Variants in SF3A3 observed in about 807,000 individuals in gnomAD.
SF3A3 encodes splicing factor 3a subunit 3.
Under a neutral mutation model 85.8 loss-of-function variants are expected in SF3A3, and 9 were observed. That is an observed-to-expected ratio of 0.10 (90% CI 0.06 to 0.18). SF3A3 has a LOEUF of 0.18. Ranked by LOEUF, SF3A3 falls within the 10% of genes least tolerant of loss-of-function variation. The pLI is 1.00. For missense variants in SF3A3, 306 were observed against 593.3 expected (o/e 0.52, Z 5.03); for synonymous variants, 195 against 204.4 (o/e 0.95, Z 0.39).
chr1:37,976,328 C>T (rs1351585045), intron 12 of SF3A3, among the ~76,000 whole-genome samples: 5 of 152,116 alleles, frequency 3.3e-5, no homozygotes, highest in Non-Finnish European at 7.3e-5. Context: ...CTCTCTGAGA[C>T]AAGCATACTG....
At chr1:37,959,142 G>A (rs921290139) in intron 16 of SF3A3, among the ~76,000 whole-genome samples, 2 of 148,332 alleles carry the variant, frequency 1.3e-5, no homozygotes, top group African/African-American at 2.5e-5. Context: ...GCAATGGTGC[G>A]ATCACAGCTC....
chr1:37,964,987 C>T lies in SF3A3; in HGVS notation c.1372+3057G>A, dbSNP rs371556735. On this transcript the variant is annotated intron_variant, in intron 15 of 16. Transcript: ENST00000373019. Reference sequence around the variant, plus strand: ...CAGCCTGGCCAACATGGTGAAACCCCGTCTCTACTAAAAATACAAAAATTG... The same window carrying T: ...CAGCCTGGCCAACATGGTGAAACCCTGTCTCTACTAAAAATACAAAAATTG... Among the ~76,000 whole-genome samples the T allele has an allele frequency of 4.5e-4, 68 of 152,020 alleles. No homozygotes were observed. In the Middle Eastern group the frequency reaches 0.017, roughly 38 times the overall value.
chr1:37,985,704 G>A (rs377620882), intron 4 of SF3A3, among the ~76,000 whole-genome samples: 9 of 152,240 alleles, frequency 5.9e-5, no homozygotes, highest in African/African-American at 2.2e-4. Flanking sequence ...CTGGAATAAG[G>A]TTAACACATC....
At position 37,981,535 on chromosome 1, in the gene SF3A3, G is replaced by A. The variant is rs1007621350; in HGVS notation, c.551+194C>T. Among the ~76,000 whole-genome samples the A allele has an allele frequency of 7.2e-5, 11 of 152,182 alleles. 1 individual carries two copies. The highest frequency in any genetic ancestry group is 1.3e-4 in the Non-Finnish European group (9 of 68,040). On this transcript the variant is annotated intron_variant, in intron 7 of 16. Transcript: ENST00000373019. ...GCATAAGATGGAAGATGTGCCCACA[G>A]ACACACCTTTGTCCACGTCCAGACT...
intron 8 of SF3A3, 123 bp from the exon 9 acceptor site, chr1:37,979,656 G>T: frequency 1.7e-6 from 1 of 599,298 alleles, no homozygotes; most frequent in South Asian, 2.4e-5. Context: ...AGGAGTTAGA[G>T]ACCAGGCAGG....
At position 37,987,885 on chromosome 1, in the gene SF3A3, T is replaced by C. The variant is rs762831844; in HGVS notation, c.145-49A>G. 9 of 1,478,444 alleles carry C rather than the reference T, an allele frequency of 6.1e-6. No homozygotes were observed. The East Asian group carries it at 9.0e-5, about 15-fold the overall frequency. 91.6% of individuals were successfully genotyped at this position (1,478,444 alleles called of 1,614,324 possible). A position where few individuals can be genotyped will look rare whatever the true frequency, so the allele number is the denominator to read the frequency against. On this transcript the variant is annotated intron_variant, in intron 2 of 16. Transcript: ENST00000373019. The stretch of plus-strand genomic sequence containing the variant: ...CAGAATGATGCAATTTGCACAACTG[T>C]AGAGCTAAGCAAACAACAAGGGTTC...
chr1:37,968,157 G>A (rs758736550), intron 14 of SF3A3, 23 bp from the exon 15 acceptor site: 13 of 1,474,976 alleles, frequency 8.8e-6, no homozygotes, highest in Middle Eastern at 1.7e-4. Flanking sequence ...AGAAGCAAAA[G>A]GATCATGTGA....
chr1:37,964,613 T>C (rs1297124539), intron 15 of SF3A3, among the ~76,000 whole-genome samples: 2 of 150,900 alleles, frequency 1.3e-5, no homozygotes, highest in African/African-American at 2.4e-5. Context: ...GTCTTAAAAA[T>C]TAAAAAAGAA....
Position 37,987,657 on chromosome 1 carries a change from A to G in SF3A3, c.219T>C (p.Asn73=), listed in dbSNP as rs1231640752. The part of the protein sequence containing the change: ...DKDGLRKEEL[N]AISGPNEFAE... Reference sequence around the variant, plus strand: ...CAAACTCATTGGGTCCTGAAATGGCATTGAGCTCCTCCTTTCGTAATCTGC... The same window carrying G: ...CAAACTCATTGGGTCCTGAAATGGCGTTGAGCTCCTCCTTTCGTAATCTGC... The change falls in exon 4 of 17, where the codon AAT becomes AAC. Residue 73 remains asparagine, a synonymous_variant. Coordinates refer to ENST00000373019, the MANE Select transcript of SF3A3 (RefSeq NM_006802.4). 2 of 1,613,996 alleles carry G rather than the reference A, an allele frequency of 1.2e-6. No homozygotes were observed. The highest frequency in any genetic ancestry group is 4.5e-5 in the East Asian group (2 of 44,898).
At chr1:37,985,463 C>A (rs1337716904) in intron 4 of SF3A3, among the ~76,000 whole-genome samples, 4 of 151,234 alleles carry the variant, frequency 2.6e-5, no homozygotes, top group African/African-American at 9.7e-5. Flanking sequence ...CAAAGGAGGG[C>A]AGGTATCAGT....
chr1:37,981,749 C>T lies in SF3A3; in HGVS notation c.531G>A (p.Arg177=), dbSNP rs1258958836. The T allele has an allele frequency of 1.3e-6, 2 of 1,583,450 alleles. No individual in the cohort carries two copies. The highest frequency in any genetic ancestry group is 1.7e-6 in the Non-Finnish European group (2 of 1,153,394). The part of the protein sequence containing the change: ...FDQLFDIPKE[R]KNAEYKRYLE... The stretch of plus-strand genomic sequence containing the variant: ...CCTACCTCTTATACTCTGCATTCTT[C>T]CTTTCTTTAGGAATGTCAAATAATT... The change falls in exon 7 of 17, where the codon AGG becomes AGA. Residue 177 remains arginine (R), a synonymous_variant. Transcript: ENST00000373019.
intron 12 of SF3A3, among the ~76,000 whole-genome samples, chr1:37,972,632 G>T (rs1028485365): frequency 2.0e-5 from 3 of 152,170 alleles, no homozygotes; most frequent in African/African-American, 7.2e-5. Context: ...ATACTACAAG[G>T]CTACAGTAAC....
Position 37,984,791 on chromosome 1 carries a change from A to G in SF3A3, c.304-12T>C. ...ATTGGCACACAGATCTGAGGGGAAA[A>G]GTAAAAGCTCAGGTGGATTTTTCTT... is the stretch of plus-strand genomic sequence containing the variant. On this transcript the variant is annotated splice_polypyrimidine_tract_variant and intron_variant, in intron 4 of 16. Transcript: ENST00000373019. 1 of 1,610,576 alleles carries G rather than the reference A, an allele frequency of 6.2e-7. No individual in the cohort carries two copies. Among genetic ancestry groups the G allele is most frequent in the Non-Finnish European group, 8.5e-7 (1 of 1,176,838 alleles).
At chr1:37,989,622 G>A (rs763745107) in intron 1 of SF3A3, 27 bp from the exon 2 acceptor site, 62 of 1,612,090 alleles carry the variant, frequency 3.8e-5, no homozygotes, top group East Asian at 1.8e-4. Flanking sequence ...TGACACAAAC[G>A]CCGTTAGTTT....
At position 37,989,436 on chromosome 1, in the gene SF3A3, G is replaced by A. The variant is rs912469161; in HGVS notation, c.144+112C>T. ...CTGTCCAGGCAGAGAGCCCGCGACT[G>A]GCCAATCCGGTTACCTTTGGCCAGG... is the stretch of plus-strand genomic sequence containing the variant. On this transcript the variant is annotated intron_variant, in intron 2 of 16. Coordinates refer to ENST00000373019, the MANE Select transcript of SF3A3 (RefSeq NM_006802.4). 7 of 1,173,756 alleles carry A rather than the reference G, an allele frequency of 6.0e-6. No homozygotes were observed. The Admixed American group carries it at 9.9e-5, about 17-fold the overall frequency. 72.7% of individuals were successfully genotyped at this position (1,173,756 alleles called of 1,614,324 possible).
At chr1:37,969,544 G>A (rs1394457404) in intron 13 of SF3A3, 27 bp downstream of exon 13, 2 of 1,614,144 alleles carry the variant, frequency 1.2e-6, no homozygotes, top group East Asian at 2.2e-5. Context: ...TGGGGAATGG[G>A]GAGAAAGTGG....
intron 7 of SF3A3, among the ~76,000 whole-genome samples, chr1:37,981,162 A>C (rs1367470577): frequency 6.6e-6 from 1 of 152,038 alleles, no homozygotes; most frequent in African/African-American, 2.4e-5. Flanking sequence ...ACTCATTTTT[A>C]AATGAACTTA....
At chr1:37,965,302 CAAA>C (rs55747818) in intron 15 of SF3A3, among the ~76,000 whole-genome samples, 4 of 100,428 alleles carry the variant, frequency 4.0e-5, no homozygotes, top group Non-Finnish European at 5.6e-5. Context: ...CCCATCGGCA[CAAA>C]AAAAAAAAAA....
At position 37,989,542 on chromosome 1, in the gene SF3A3, A is replaced by G. The variant is rs1486667358; in HGVS notation, c.144+6T>C. 1 of 1,613,198 alleles carries G rather than the reference A, an allele frequency of 6.2e-7. No homozygotes were observed. On this transcript the variant is annotated splice_donor_region_variant and intron_variant, in intron 2 of 16. Transcript: ENST00000373019. ...CCCAAAGAGAGGCAGACAGCTGGGC[A>G]CTCACATCTTGCATGGCCCGAGTGC...
Sources: gnomAD v4.1 joint callset for allele counts (sites outside exome capture counted in the v4.1 genomes callset) on GRCh38, gnomAD v4.1.1 for gene constraint, MANE v1.5 for transcripts, NCBI Gene and HGNC (gene_info 2026-07-23, HGNC 2026-07-21) for gene names.